The following PTPRT variants were observed in gnomAD, a reference collection of about 807,000 sequenced individuals.
The protein encoded by PTPRT is receptor-type tyrosine-protein phosphatase T.
A neutral mutation model predicts 176.8 loss-of-function variants in PTPRT; 56 were observed. That is an observed-to-expected ratio of 0.32 (90% CI 0.26 to 0.40). The LOEUF is 0.40. Ranked by LOEUF, PTPRT falls within the 10% of genes least tolerant of loss-of-function variation. The pLI, the probability that PTPRT is intolerant of heterozygous loss-of-function variation, is 1.00. For missense variants in PTPRT, 1,540 were observed against 1,908.2 expected, an observed-to-expected ratio of 0.81 and a Z score of 3.60; for synonymous variants, 783 against 739.0, an observed-to-expected ratio of 1.06 and a Z score of -0.96.
intron 8 of PTPRT, among the ~76,000 whole-genome samples, chr20:42,449,712 C>T (rs771176460): frequency 8.5e-5 from 13 of 152,180 alleles, no homozygotes; most frequent in East Asian, 1.9e-4. Flanking sequence ...TTAATCATCA[C>T]GCTACGCCTC....
Position 42,142,176 on chromosome 20 carries a change from T to C in PTPRT, c.2683-174A>G, listed in dbSNP as rs188319290. Among the ~76,000 whole-genome samples, 3 of 152,346 alleles carry C rather than the reference T, an allele frequency of 2.0e-5. No individual in the cohort carries two copies. In the East Asian group the frequency reaches 5.8e-4, roughly 29 times the overall value. On this transcript the variant is annotated intron_variant, in intron 17 of 30. Transcript: ENST00000373187. ...TAGATTTTGTCTGTCCCTGGACCTA[T>C]TCTCTTGTTCATTGTTTCAAATGTT...
chr20:42,924,977 G>T (rs1317524073), intron 1 of PTPRT, among the ~76,000 whole-genome samples: 1 of 152,188 alleles, frequency 6.6e-6, no homozygotes, highest in Non-Finnish European at 1.5e-5. Flanking sequence ...TGATGCAGGT[G>T]GCGCATTGTC....
intron 1 of PTPRT, among the ~76,000 whole-genome samples, chr20:42,922,390 A>G (rs1242572066): frequency 6.6e-6 from 1 of 152,206 alleles, no homozygotes; most frequent in African/African-American, 2.4e-5. Flanking sequence ...GTATCCATAC[A>G]CTGACTACTC....
chr20:43,129,718 AC>A (rs2013582271), intron 1 of PTPRT, among the ~76,000 whole-genome samples: 1 of 136,832 alleles, frequency 7.3e-6, no homozygotes, highest in African/African-American at 2.8e-5. Flanking sequence ...TCCCGGGTTC[AC>A]GCCATTCTCC....
At chr20:42,543,383 T>C (rs1361205014) in intron 7 of PTPRT, among the ~76,000 whole-genome samples, 1 of 152,204 alleles carries the variant, frequency 6.6e-6, no homozygotes, top group Non-Finnish European at 1.5e-5. Flanking sequence ...TCTTTGCTTG[T>C]CCATAAGAAG....
At chr20:42,331,431 T>A (rs1405909774) in intron 11 of PTPRT, among the ~76,000 whole-genome samples, 1 of 147,890 alleles carries the variant, frequency 6.8e-6, no homozygotes, top group Non-Finnish European at 1.5e-5. Context: ...TTTTTTTTTT[T>A]TAAATATAAT....
intron 1 of PTPRT, among the ~76,000 whole-genome samples, chr20:43,018,390 A>C (rs1985475622): frequency 6.6e-6 from 1 of 152,262 alleles, no homozygotes; most frequent in South Asian, 2.1e-4. Flanking sequence ...TTAAATGCAA[A>C]AAGAAAAACA....
intron 1 of PTPRT, among the ~76,000 whole-genome samples, chr20:43,093,638 T>A (rs1399756272): frequency 6.6e-6 from 1 of 152,194 alleles, no homozygotes; most frequent in Non-Finnish European, 1.5e-5. Context: ...GCCAGAGTGA[T>A]CCTCGGGAAG....
chr20:42,288,865 CT>C (rs1314131254), intron 12 of PTPRT, among the ~76,000 whole-genome samples: 1 of 151,898 alleles, frequency 6.6e-6, no homozygotes, highest in Non-Finnish European at 1.5e-5. Flanking sequence ...GGTTACTTTT[CT>C]TTTGGGTATG....
At chr20:42,272,165 T>C (rs1221172046) in intron 13 of PTPRT, among the ~76,000 whole-genome samples, 1 of 152,154 alleles carries the variant, frequency 6.6e-6, no homozygotes, top group Non-Finnish European at 1.5e-5. Flanking sequence ...AGGAGTAATA[T>C]TTTGTGACAC....
intron 2 of PTPRT, among the ~76,000 whole-genome samples, chr20:42,835,285 A>C (rs956541955): frequency 3.3e-5 from 5 of 151,516 alleles, no homozygotes; most frequent in African/African-American, 1.2e-4. Context: ...TAAGGAAAAC[A>C]AAATAATAAA....
chr20:43,128,010 A>G (rs983368106), intron 1 of PTPRT, among the ~76,000 whole-genome samples: 1 of 152,216 alleles, frequency 6.6e-6, no homozygotes, highest in African/African-American at 2.4e-5. Flanking sequence ...ATGGAATAAT[A>G]AGAGCTTAAC....
chr20:43,081,228 A>G (rs765120149), intron 1 of PTPRT, among the ~76,000 whole-genome samples: 5 of 152,214 alleles, frequency 3.3e-5, no homozygotes, highest in Admixed American at 1.3e-4. Context: ...ATCTACTTAT[A>G]TAAAACTGCA....
At chr20:42,701,291 C>G (rs1292133321) in intron 6 of PTPRT, among the ~76,000 whole-genome samples, 1 of 152,090 alleles carries the variant, frequency 6.6e-6, no homozygotes, top group Non-Finnish European at 1.5e-5. Flanking sequence ...TTATCCAAAC[C>G]AGAATCAGAG....
the PTPRT span, among the ~76,000 whole-genome samples, chr20:42,041,879 C>T: frequency 6.6e-6 from 1 of 152,108 alleles, no homozygotes; most frequent in African/African-American, 2.4e-5. Flanking sequence ...GTGGCATAAT[C>T]GAAATTACCT....
intron 7 of PTPRT, among the ~76,000 whole-genome samples, chr20:42,602,115 T>G (rs1328969955): frequency 6.6e-6 from 1 of 152,240 alleles, no homozygotes; most frequent in Non-Finnish European, 1.5e-5. Context: ...CCACTTTGCC[T>G]GAAGTCCATT....
chr20:42,308,645 A>C (rs915967993), intron 12 of PTPRT, among the ~76,000 whole-genome samples: 3 of 152,194 alleles, frequency 2.0e-5, no homozygotes, highest in Admixed American at 6.5e-5. Flanking sequence ...TTTTTGAGGC[A>C]GATCATTAAT....
intron 1 of PTPRT, among the ~76,000 whole-genome samples, chr20:42,904,689 TC>T (rs2079450849): frequency 6.6e-6 from 1 of 151,974 alleles, no homozygotes; most frequent in South Asian, 2.1e-4. Flanking sequence ...ATGTTGCACT[TC>T]CCAAGACCAC....
At chr20:42,511,819 T>C (rs968457958) in intron 7 of PTPRT, among the ~76,000 whole-genome samples, 1 of 152,140 alleles carries the variant, frequency 6.6e-6, no homozygotes, top group African/African-American at 2.4e-5. Context: ...ACTCGCCTCC[T>C]GCTTTCTAAA....
Sources: gnomAD v4.1 joint callset for allele counts (sites outside exome capture counted in the v4.1 genomes callset) on GRCh38, gnomAD v4.1.1 for gene constraint, MANE v1.5 for transcripts, NCBI Gene and HGNC (gene_info 2026-07-23, HGNC 2026-07-21) for gene names.